The following NELL1 variants were observed in gnomAD, a reference collection of about 807,000 sequenced individuals.
NELL1 encodes protein kinase C-binding protein NELL1.
NELL1 carries 76 observed loss-of-function variants against 107.4 expected under a neutral mutation model. The observed-to-expected ratio is 0.71, with a 90% confidence interval of 0.59 to 0.86. The LOEUF (loss-of-function observed/expected upper bound fraction) is 0.86. Ranked by LOEUF, NELL1 falls within the 40% of genes least tolerant of loss-of-function variation. The pLI is 0.00. For missense variants in NELL1, 1,024 were observed against 1,005.5 expected (o/e 1.02, Z -0.25); for synonymous variants, 353 against 341.2 (o/e 1.03, Z -0.38).
intron 15 of NELL1, among the ~76,000 whole-genome samples, chr11:21,410,095 T>A (rs937662026): frequency 1.3e-5 from 2 of 152,126 alleles, no homozygotes; most frequent in Non-Finnish European, 2.9e-5. Context: ...AACTATTTTC[T>A]GCATTGCAGT....
In NELL1 at chr11:20,706,984, C is replaced by G. The variant is rs142504795; in HGVS notation, c.184+28924C>G. Among the ~76,000 whole-genome samples the G allele has an allele frequency of 2.6e-5, 4 of 152,304 alleles. No homozygotes were observed. The East Asian group carries it at 7.7e-4, about 29-fold the overall frequency. ...ATTTTCCAACTTGGTTCCACTCTCCCCATCATTTTTAGGTACACCAATCAG... is the reference window on the plus strand; with the variant it reads ...ATTTTCCAACTTGGTTCCACTCTCCGCATCATTTTTAGGTACACCAATCAG... On this transcript the variant is annotated intron_variant, in intron 2 of 19. Coordinates refer to ENST00000357134, the MANE Select transcript of NELL1 (RefSeq NM_006157.5).
intron 13 of NELL1, among the ~76,000 whole-genome samples, chr11:21,183,535 T>C (rs1590712684): frequency 6.6e-6 from 1 of 151,906 alleles, no homozygotes; most frequent in Non-Finnish European, 1.5e-5. Flanking sequence ...TAAAACAATA[T>C]CTACTCCCCC....
rs533402254 is a variant in NELL1 at position 21,286,206 on chromosome 11, G to C, written c.1549+56752G>C. Among the ~76,000 whole-genome samples the C allele has an allele frequency of 2.6e-5, 4 of 152,250 alleles. No homozygotes were observed. In the South Asian group the frequency reaches 8.3e-4, roughly 32 times the overall value. ...GGGCATAAAGTCAGGGCCAGGATTT[G>C]GACAACTGAAAGCTAGTTTGAGAGG... On this transcript the variant is annotated intron_variant, in intron 14 of 19. Transcript: ENST00000357134.
intron 15 of NELL1, among the ~76,000 whole-genome samples, chr11:21,522,970 G>T (rs927503856): frequency 6.8e-6 from 1 of 146,740 alleles, no homozygotes; most frequent in Non-Finnish European, 1.5e-5. Flanking sequence ...TCAGGCTCCC[G>T]AGTAGCTGGG....
At chr11:21,055,712 A>G (rs751655092) in intron 12 of NELL1, among the ~76,000 whole-genome samples, 2 of 152,130 alleles carry the variant, frequency 1.3e-5, no homozygotes, top group South Asian at 2.1e-4. Flanking sequence ...AACATGGCCA[A>G]GGTGGGAGAG....
intron 3 of NELL1, among the ~76,000 whole-genome samples, chr11:20,802,598 A>G (rs1352945259): frequency 6.6e-6 from 1 of 152,184 alleles, no homozygotes; most frequent in African/African-American, 2.4e-5. Context: ...GACTTACAGT[A>G]CTATGTTGAA....
At chr11:20,723,811 A>G (rs1233671918) in intron 2 of NELL1, among the ~76,000 whole-genome samples, 2 of 152,174 alleles carry the variant, frequency 1.3e-5, no homozygotes, top group African/African-American at 4.8e-5. Context: ...CCCCTGCAGT[A>G]GAATTCTACC....
At chr11:21,446,312 A>G (rs960852112) in intron 15 of NELL1, among the ~76,000 whole-genome samples, 6 of 152,110 alleles carry the variant, frequency 3.9e-5, no homozygotes. Context: ...GAAAGTTCAC[A>G]TATCTCTGTC....
At position 20,927,100 on chromosome 11, in the gene NELL1, A is replaced by C. The variant is rs1471011112; in HGVS notation, c.760-208A>C. On this transcript the variant is annotated intron_variant, in intron 7 of 19. Transcript: ENST00000357134. ...TGTCTCATTTGGTATTCATTAGACCATGACAGCCAATATTTCTTCAATTTA... is the reference window on the plus strand; with the variant it reads ...TGTCTCATTTGGTATTCATTAGACCCTGACAGCCAATATTTCTTCAATTTA... The C allele has an allele frequency of 1.1e-5, 6 of 523,766 alleles. No homozygotes were observed. The East Asian group carries it at 1.7e-4, about 14-fold the overall frequency. 32.4% of individuals were successfully genotyped at this position (523,766 alleles called of 1,614,324 possible).
chr11:21,568,730 TC>T (rs1208022338), intron 17 of NELL1, among the ~76,000 whole-genome samples: 1 of 151,734 alleles, frequency 6.6e-6, no homozygotes, highest in African/African-American at 2.4e-5. Flanking sequence ...GTCTTTCACC[TC>T]CATATTTTCC....
At chr11:21,439,651 C>T (rs909796538) in intron 15 of NELL1, among the ~76,000 whole-genome samples, 1 of 152,142 alleles carries the variant, frequency 6.6e-6, no homozygotes. Flanking sequence ...ACAGTGCCTT[C>T]CTGTATTAGT....
intron 15 of NELL1, among the ~76,000 whole-genome samples, chr11:21,421,338 C>T (rs890636235): frequency 3.9e-5 from 6 of 152,094 alleles, no homozygotes; most frequent in African/African-American, 1.4e-4. Context: ...CAATAAACCA[C>T]CCTTAATTTT....
In NELL1 at chr11:20,927,394, T is replaced by C; in HGVS notation, c.846T>C (p.Asp282=). The C allele has an allele frequency of 6.2e-7, 1 of 1,613,278 alleles. No individual in the cohort carries two copies. Among genetic ancestry groups the C allele is most frequent in the Non-Finnish European group, 8.5e-7 (1 of 1,179,756 alleles). Residue 282 remains aspartate (D), a synonymous_variant, in exon 8 of 20, where the codon GAT becomes GAC. Transcript: ENST00000357134. ...AAGTGAGTGGACTGCTCTATCGAGA[T>C]CAAGACTCTTGGGTAGATGGTGACC... The part of the protein sequence containing the change: ...TCQVSGLLYR[D]QDSWVDGDHC...
At chr11:20,773,551 G>T (rs1856682030) in intron 2 of NELL1, 1 of 151,128 alleles carries the variant, frequency 6.6e-6, no homozygotes, top group Non-Finnish European at 1.5e-5. Flanking sequence ...AGGCTGGAGT[G>T]CAGTGGCGCC....
intron 9 of NELL1, among the ~76,000 whole-genome samples, chr11:20,931,538 C>A (rs972062690): frequency 1.3e-5 from 2 of 151,926 alleles, no homozygotes; most frequent in African/African-American, 4.8e-5. Flanking sequence ...ATGCTGTAGA[C>A]CGTAAATATG....
intron 14 of NELL1, among the ~76,000 whole-genome samples, chr11:21,366,460 C>T (rs1461264040): frequency 2.6e-5 from 4 of 151,990 alleles, no homozygotes; most frequent in Non-Finnish European, 5.9e-5. Flanking sequence ...CTATAGGGGC[C>T]AGCTTTTATT....
chr11:21,071,009 T>G (rs1854000008), intron 12 of NELL1, among the ~76,000 whole-genome samples: 1 of 152,264 alleles, frequency 6.6e-6, no homozygotes, highest in Non-Finnish European at 1.5e-5. Flanking sequence ...GCTAACCTTG[T>G]TTTTAGCCCT....
intron 12 of NELL1, among the ~76,000 whole-genome samples, chr11:21,028,133 C>T (rs1159773779): frequency 6.6e-6 from 1 of 152,114 alleles, no homozygotes; most frequent in Non-Finnish European, 1.5e-5. Context: ...ACCCTAGAAG[C>T]CATTCTATAT....
At chr11:20,905,402 T>C (rs951621685) in intron 5 of NELL1, among the ~76,000 whole-genome samples, 1 of 152,134 alleles carries the variant, frequency 6.6e-6, no homozygotes, top group African/African-American at 2.4e-5. Context: ...GAAAGTATTG[T>C]CATTCAAAGG....
Sources: gnomAD v4.1 joint callset for allele counts (sites outside exome capture counted in the v4.1 genomes callset) on GRCh38, gnomAD v4.1.1 for gene constraint, MANE v1.5 for transcripts, NCBI Gene and HGNC (gene_info 2026-07-23, HGNC 2026-07-21) for gene names.